AEN: variants seen among roughly 807,000 people sequenced by gnomAD.
AEN encodes apoptosis-enhancing nuclease.
AEN carries 21 observed loss-of-function variants against 17.7 expected under a neutral mutation model. The observed-to-expected ratio is 1.19, with a 90% CI of 0.84 to 1.71. AEN has a LOEUF of 1.71. Among genes scored for constraint, AEN ranks in the 40% most tolerant of loss-of-function variants. The pLI is 0.00. For missense variants in AEN, 462 were observed against 435.9 expected, an observed-to-expected ratio of 1.06 and a Z score of -0.53; for synonymous variants, 190 against 173.0, an observed-to-expected ratio of 1.10 and a Z score of -0.77.
At chr15:88,625,260 T>C (rs113155369) in intron 1 of AEN, among the ~76,000 whole-genome samples, 11,695 of 152,242 alleles carry the variant, frequency 0.077, 527 homozygotes, top group African/African-American at 0.11. Flanking sequence ...TGGCTCATAC[T>C]TATAATCCCA....
chr15:88,615,286 C>A, the AEN span, among the ~76,000 whole-genome samples: 1 of 152,150 alleles, frequency 6.6e-6, no homozygotes, highest in African/African-American at 2.4e-5. Context: ...GAGAATAAAA[C>A]TCCCCTCGAT....
At chr15:88,607,475 C>G in the AEN span, among the ~76,000 whole-genome samples, 1 of 152,198 alleles carries the variant, frequency 6.6e-6, no homozygotes, top group African/African-American at 2.4e-5. Context: ...AGCAAGTTAC[C>G]AGAACAGCCT....
At chr15:88,611,025 C>A in the AEN span, among the ~76,000 whole-genome samples, 2 of 152,160 alleles carry the variant, frequency 1.3e-5, no homozygotes, top group Non-Finnish European at 2.9e-5. Flanking sequence ...TGTCCACAAC[C>A]ATTTCCCCTT....
chr15:88,629,580 CT>C (rs2057901485), intron 3 of AEN, among the ~76,000 whole-genome samples, 154 bp downstream of exon 3: 2 of 152,208 alleles, frequency 1.3e-5, no homozygotes, highest in African/African-American at 2.4e-5. Flanking sequence ...GGTCTCCCTC[CT>C]GTACACGCAG....
At chr15:88,620,037 C>G (rs1045087191), upstream of AEN, among the ~76,000 whole-genome samples, 7 of 152,182 alleles carry the variant, frequency 4.6e-5, no homozygotes, top group African/African-American at 1.7e-4. Flanking sequence ...CTCCCCAAAG[C>G]CTTCAGGGGC....
At chr15:88,611,998 A>G in the AEN span, 5 of 427,896 alleles carry the variant, frequency 1.2e-5, no homozygotes, top group East Asian at 8.7e-5. Context: ...TCTTTTTTGT[A>G]TCTTTTGTGT....
intron 3 of AEN, among the ~76,000 whole-genome samples, chr15:88,629,829 T>C (rs1013982966): frequency 2.0e-5 from 3 of 152,176 alleles, no homozygotes; most frequent in African/African-American, 7.2e-5. Context: ...CTGCAAGCCT[T>C]TGAAGCAAGA....
Position 88,630,455 on chromosome 15 carries a change from G to A in AEN, c.*161G>A, listed in dbSNP as rs1596033413. 1 of 646,808 alleles carries A rather than the reference G, an allele frequency of 1.5e-6. No individual in the cohort carries two copies. Among genetic ancestry groups the A allele is most frequent in the East Asian group, 2.7e-5 (1 of 36,510 alleles). The allele number at this position is 646,808 out of a possible 1,614,324, so 40.1% of individuals were successfully genotyped here. The stretch of plus-strand genomic sequence containing the variant: ...GTCATCTGTTACCTTGACACCCTCT[G>A]CACACAGCATAGCCCTCTCTCTCTC... On this transcript the variant is annotated 3_prime_UTR_variant, in exon 4 of 4. Coordinates refer to ENST00000332810, the MANE Select transcript of AEN (RefSeq NM_022767.4). This position sits in a 1 kb window ranked among gnomAD's most constrained non-coding sequence, Gnocchi z 5.1.
chr15:88,605,132 G>A, the AEN span: 1 of 152,724 alleles, frequency 6.5e-6, no homozygotes, highest in South Asian at 2.1e-4. The surrounding 1 kb of genome is among the most constrained non-coding windows in gnomAD (Gnocchi z 7.6). Context: ...TGAAGAGGAA[G>A]GAAGGCGACT....
chr15:88,614,509 T>A, the AEN span, among the ~76,000 whole-genome samples: 1 of 152,208 alleles, frequency 6.6e-6, no homozygotes, highest in African/African-American at 2.4e-5. Context: ...CCTAACTTAC[T>A]ACTTTTTAAG....
chr15:88,609,097 G>A, the AEN span, among the ~76,000 whole-genome samples: 1 of 152,036 alleles, frequency 6.6e-6, no homozygotes, highest in Non-Finnish European at 1.5e-5. Context: ...TTGGTTCTTG[G>A]CAGGAGGGGA....
intron 2 of AEN, chr15:88,626,959 A>C (rs959119173): frequency 3.3e-6 from 2 of 598,134 alleles, no homozygotes; most frequent in Non-Finnish European, 5.9e-6. Context: ...GGCCTGTTGC[A>C]CAGGACAATG....
chr15:88,628,222 G>C (rs151282485), intron 2 of AEN: 1 of 152,332 alleles, frequency 6.6e-6, no homozygotes, highest in Non-Finnish European at 1.5e-5. Flanking sequence ...GCTGACTTGG[G>C]GGGAGGGGCA....
At chr15:88,626,029 TA>T (rs1344053956) in intron 1 of AEN, 116 bp from the exon 2 acceptor site, 27 of 612,042 alleles carry the variant, frequency 4.4e-5, no homozygotes, top group Non-Finnish European at 5.9e-5. Flanking sequence ...AGCCACGAGC[TA>T]CGGTGCAGGG....
rs780363010 is a variant in AEN, at chr15:88,626,758, A to G, written c.540+9A>G. The G allele has an allele frequency of 1.2e-6, 2 of 1,601,790 alleles. No individual in the cohort carries two copies. The highest frequency in any genetic ancestry group is 1.7e-6 in the Non-Finnish European group (2 of 1,177,890). On this transcript the variant is annotated intron_variant, in intron 2 of 3. Transcript: ENST00000332810. ...AGGTGGCCCAGAAAGAGGTAAGGGC[A>G]GGGATGGGGACTTGTTTGGGAGGTG...
chr15:88,616,176 C>A, the AEN span, among the ~76,000 whole-genome samples: 1 of 152,068 alleles, frequency 6.6e-6, no homozygotes, highest in Non-Finnish European at 1.5e-5. Context: ...TCACTGCAAC[C>A]TCTGCCTCCC....
At chr15:88,615,007 G>A in the AEN span, among the ~76,000 whole-genome samples, 2 of 152,118 alleles carry the variant, frequency 1.3e-5, no homozygotes, top group East Asian at 3.9e-4. Flanking sequence ...GGGACTACAG[G>A]CGCCCGCCAC....
At position 88,630,105 on chromosome 15, in the gene AEN, G is replaced by A. The variant is rs2057907366; in HGVS notation, c.789G>A (p.Met263Ile). The A allele has an allele frequency of 1.2e-6, 2 of 1,614,120 alleles. No homozygotes were observed. Among genetic ancestry groups the A allele is most frequent in the Middle Eastern group, 3.3e-4 (2 of 6,060 alleles). ...CAGTAGAAGATGCCACGACAGCCAT[G>A]GAGCTCTACCGGCTGGTGGAGGTGC... is the stretch of plus-strand genomic sequence containing the variant. Reference protein sequence around the residue: ...HSSVEDATTAMELYRLVEVQW... With the variant: ...HSSVEDATTAIELYRLVEVQW... The change falls in exon 4 of 4, where the codon ATG (methionine) becomes ATA (isoleucine). Residue 263 changes from methionine to isoleucine, a missense_variant. By Grantham distance (10) the Met-to-Ile change is conservative. Coordinates refer to ENST00000332810, the MANE Select transcript of AEN (RefSeq NM_022767.4). This position sits in a 1 kb window ranked among gnomAD's most constrained non-coding sequence, Gnocchi z 5.1.
In AEN at chr15:88,629,280, TTCCAGGCGCTC is replaced by T; in HGVS notation, c.596_606del (p.Phe199Ter). On this transcript the variant is annotated frameshift_variant, in exon 3 of 4. Transcript: ENST00000332810. LOFTEE classifies it high-confidence loss of function. The stretch of plus-strand genomic sequence containing the variant: ...GGTGGGGCACGCGCTGCACAACGAC[TTCCAGGCGCTC>T]AAGTATGTCCACCCTCGGAGCCAGA... The T allele has an allele frequency of 1.9e-6, 3 of 1,614,138 alleles. No homozygotes were observed. Among genetic ancestry groups the T allele is most frequent in the South Asian group, 2.2e-5 (2 of 91,082 alleles).
Sources: allele counts gnomAD v4.1 joint callset (sites outside exome capture counted in the v4.1 genomes callset), GRCh38; gene constraint gnomAD v4.1.1; non-coding constraint Gnocchi (gnomAD v3.1); transcripts MANE v1.5; gene names NCBI Gene and HGNC (gene_info 2026-07-23, HGNC 2026-07-21).